ERC1: variants seen among roughly 807,000 people sequenced by gnomAD.
The protein encoded by ERC1 is ELKS/RAB6-interacting/CAST family member 1, also known as RAB6 interacting protein 2.
Under a neutral mutation model 132.0 loss-of-function variants are expected in ERC1, and 56 were observed. The ratio of observed to expected loss-of-function variants is 0.42; its 90% CI spans 0.34 to 0.53. The LOEUF is 0.53. Among genes scored for constraint, ERC1 ranks in the 20% least tolerant of loss-of-function variants. The pLI is 0.03. For missense variants in ERC1, 1,202 were observed against 1,349.9 expected, an observed-to-expected ratio of 0.89 and a Z score of 1.72; for synonymous variants, 478 against 476.1, an observed-to-expected ratio of 1.00 and a Z score of -0.05.
chr12:1,113,990 T>C (rs1946166515), intron 6 of ERC1, among the ~76,000 whole-genome samples: 1 of 152,176 alleles, frequency 6.6e-6, no homozygotes, highest in Non-Finnish European at 1.5e-5. Flanking sequence ...AAGGAAAATT[T>C]GTGCTTCTAA....
chr12:1,476,362 A>G (rs186700507), intron 18 of ERC1, among the ~76,000 whole-genome samples: 7 of 152,062 alleles, frequency 4.6e-5, no homozygotes, highest in Admixed American at 4.6e-4. Context: ...TAGAGGTTAC[A>G]GTGAGCTATG....
At chr12:1,368,936 C>T (rs1184711778) in intron 15 of ERC1, among the ~76,000 whole-genome samples, 4 of 151,976 alleles carry the variant, frequency 2.6e-5, no homozygotes, top group Admixed American at 6.6e-5. Flanking sequence ...CAGGAGTATA[C>T]GTTGTAAATG....
At chr12:1,411,227 G>A (rs1350952480) in intron 17 of ERC1, among the ~76,000 whole-genome samples, 2 of 152,122 alleles carry the variant, frequency 1.3e-5, no homozygotes, top group Non-Finnish European at 2.9e-5. Context: ...TGATGCCCTT[G>A]AGGTTTGACT....
chr12:1,354,667 G>A (rs1452796068), intron 15 of ERC1, among the ~76,000 whole-genome samples: 4 of 152,126 alleles, frequency 2.6e-5, no homozygotes, highest in African/African-American at 9.7e-5. Context: ...TTGGGTCAGG[G>A]CGCAACAGAG....
chr12:1,396,814 G>A (rs1417435645), intron 16 of ERC1, among the ~76,000 whole-genome samples: 1 of 152,182 alleles, frequency 6.6e-6, no homozygotes, highest in African/African-American at 2.4e-5. Context: ...GAGCTCACAA[G>A]AGGTGGGGAG....
intron 2 of ERC1, among the ~76,000 whole-genome samples, chr12:1,036,769 A>C (rs945892261): frequency 6.6e-6 from 1 of 152,166 alleles, no homozygotes; most frequent in African/African-American, 2.4e-5. Flanking sequence ...TTATTGTTTT[A>C]ATTTTCTTTT....
At chr12:1,242,825 A>T (rs997974684) in intron 13 of ERC1, among the ~76,000 whole-genome samples, 4 of 152,246 alleles carry the variant, frequency 2.6e-5, no homozygotes, top group African/African-American at 9.6e-5. Context: ...TAATACAACA[A>T]TAAAAAATAA....
At chr12:1,200,158 T>C (rs923041002) in intron 12 of ERC1, among the ~76,000 whole-genome samples, 1 of 152,144 alleles carries the variant, frequency 6.6e-6, no homozygotes, top group Non-Finnish European at 1.5e-5. Context: ...ACAATGAAAA[T>C]GGAGGTTTTT....
At chr12:1,102,193 G>A (rs1366775032) in intron 3 of ERC1, among the ~76,000 whole-genome samples, 6 of 151,984 alleles carry the variant, frequency 3.9e-5, no homozygotes, top group Non-Finnish European at 8.8e-5. Context: ...ATAACTATTA[G>A]GTTTAGAAAC....
intron 4 of ERC1, among the ~76,000 whole-genome samples, chr12:1,109,442 C>A (rs576794988): frequency 1.3e-5 from 2 of 152,186 alleles, no homozygotes; most frequent in East Asian, 3.9e-4. Flanking sequence ...ATCTTTGAAA[C>A]CCTCTTACTT....
chr12:1,254,074 T>C (rs923760932), intron 13 of ERC1, among the ~76,000 whole-genome samples: 1 of 152,182 alleles, frequency 6.6e-6, no homozygotes, highest in African/African-American at 2.4e-5. Flanking sequence ...AGTTACATAA[T>C]CCAATGGTAG....
chr12:1,194,310 A>G (rs1382769339), intron 12 of ERC1, among the ~76,000 whole-genome samples: 2 of 152,094 alleles, frequency 1.3e-5, no homozygotes, highest in African/African-American at 4.8e-5. Context: ...AGTCCCAGCT[A>G]CTCAGGAGGC....
At chr12:1,291,605 C>T (rs2079456259) in intron 15 of ERC1, among the ~76,000 whole-genome samples, 1 of 152,100 alleles carries the variant, frequency 6.6e-6, no homozygotes, top group South Asian at 2.1e-4. Flanking sequence ...CAGAGTCTTC[C>T]CTCAGGAAAA....
At chr12:1,254,018 C>T (rs76425732) in intron 13 of ERC1, among the ~76,000 whole-genome samples, 4,553 of 152,182 alleles carry the variant, frequency 0.03, 104 homozygotes, top group East Asian at 0.074. Context: ...GTGAAGTATT[C>T]GTATTTGATT....
intron 7 of ERC1, among the ~76,000 whole-genome samples, chr12:1,129,356 G>A (rs548064215): frequency 9.5e-6 from 1 of 105,700 alleles, no homozygotes; most frequent in South Asian, 5.1e-4. Flanking sequence ...AACTAACCAG[G>A]CAACAACAAG....
Position 1,362,407 on chromosome 12 carries a change from A to G in ERC1, c.2781-9426A>G, listed in dbSNP as rs182197935. On this transcript the variant is annotated intron_variant, in intron 15 of 18. Coordinates refer to ENST00000360905, the MANE Select transcript of ERC1 (RefSeq NM_178040.4). ...GCCTTCTTAGTCCAGCAGTGGCTCG[A>G]TAAGAACCGTTGATCTTCAGAGCTC... is the stretch of plus-strand genomic sequence containing the variant. Among the ~76,000 whole-genome samples the G allele has an allele frequency of 8.9e-3, 1,355 of 152,210 alleles. 14 individuals are homozygous for G. The highest frequency in any genetic ancestry group is 0.029 in the African/African-American group (1,220 of 41,504).
chr12:1,254,769 T>G (rs922276833), intron 13 of ERC1, among the ~76,000 whole-genome samples: 7 of 152,178 alleles, frequency 4.6e-5, no homozygotes, highest in Non-Finnish European at 7.3e-5. Context: ...CACCTTGGCT[T>G]CCCAAAGTGC....
intron 16 of ERC1, among the ~76,000 whole-genome samples, chr12:1,397,820 A>C (rs528445499): frequency 1.6e-4 from 24 of 152,300 alleles, no homozygotes; most frequent in Admixed American, 1.5e-3. Flanking sequence ...TTAGATCTGA[A>C]AAAAGGAAAA....
chr12:1,031,975 A>G (rs1245528738), intron 2 of ERC1, among the ~76,000 whole-genome samples: 4 of 152,144 alleles, frequency 2.6e-5, no homozygotes, highest in Admixed American at 2.6e-4. Flanking sequence ...TATGTTTCGA[A>G]CAAGCTTCTC....
Sources: allele counts gnomAD v4.1 joint callset (sites outside exome capture counted in the v4.1 genomes callset), GRCh38; gene constraint gnomAD v4.1.1; transcripts MANE v1.5; gene names NCBI Gene and HGNC (gene_info 2026-07-23, HGNC 2026-07-21).